The following PSMD1 variants were observed in gnomAD, a reference collection of about 807,000 sequenced individuals.
PSMD1 encodes the protein proteasome 26S subunit, non-ATPase 1.
PSMD1 carries 18 observed loss-of-function variants against 119.0 expected under a neutral mutation model. That is an observed-to-expected ratio of 0.15 (90% CI 0.10 to 0.22). PSMD1 has a LOEUF of 0.22. Ranked by LOEUF, PSMD1 falls within the 10% of genes least tolerant of loss-of-function variation. The probability of loss-of-function intolerance (pLI) is 1.00; values close to 1 mark genes in which losing one functional copy is unlikely to be tolerated. For synonymous variants in PSMD1, 374 were observed against 396.6 expected, an observed-to-expected ratio of 0.94 and a Z score of 0.68; for missense variants, 702 against 1,158.5, an observed-to-expected ratio of 0.61 and a Z score of 5.72.
At chr2:231,162,518 C>T (rs1013858694) in intron 20 of PSMD1, among the ~76,000 whole-genome samples, 1 of 152,218 alleles carries the variant, frequency 6.6e-6, no homozygotes, top group Admixed American at 6.5e-5. Context: ...TGTAATTAAA[C>T]ATCCTGTATA....
At chr2:231,148,654 T>A (rs559568885) in intron 18 of PSMD1, among the ~76,000 whole-genome samples, 4 of 152,338 alleles carry the variant, frequency 2.6e-5, no homozygotes, top group African/African-American at 9.6e-5. Flanking sequence ...AAAATTGACA[T>A]GTGAAACTCA....
chr2:231,150,349 A>AG (rs1350070608), intron 18 of PSMD1, among the ~76,000 whole-genome samples: 5 of 150,294 alleles, frequency 3.3e-5, no homozygotes, highest in Non-Finnish European at 5.9e-5. Context: ...TGTCTCAAGG[A>AG]GGGGAAAAAA....
At chr2:231,129,493 T>C (rs528505500) in intron 16 of PSMD1, among the ~76,000 whole-genome samples, 2 of 152,324 alleles carry the variant, frequency 1.3e-5, no homozygotes, top group Non-Finnish European at 2.9e-5. Flanking sequence ...TATTAGTCTT[T>C]TTGGAAATGT....
chr2:231,144,757 G>T (rs116198859), intron 17 of PSMD1, among the ~76,000 whole-genome samples: 2,047 of 152,164 alleles, frequency 0.013, 25 homozygotes, highest in Non-Finnish European at 0.021. Flanking sequence ...ATTCAGACTG[G>T]CCTGGGTTTG....
At chr2:231,130,391 G>C (rs865989722) in intron 16 of PSMD1, among the ~76,000 whole-genome samples, 6 of 152,156 alleles carry the variant, frequency 3.9e-5, no homozygotes, top group African/African-American at 1.4e-4. Flanking sequence ...CCTCTCCACT[G>C]CCCTTCCCTA....
intron 5 of PSMD1, among the ~76,000 whole-genome samples, chr2:231,068,769 C>T (rs1030887519): frequency 6.6e-5 from 10 of 152,138 alleles, no homozygotes; most frequent in African/African-American, 2.4e-4. Context: ...CCTTATTCTA[C>T]TCAGTAATGG....
rs973486646 is a variant in PSMD1, at chr2:231,127,176, T to C, written c.1884-11560T>C. ...TCATGTGAGACAATTTTAATAAACA[T>C]GTTTCCCTGCCTACTCCAGATTTGA... On this transcript the variant is annotated intron_variant, in intron 16 of 24. Transcript: ENST00000308696. Among the ~76,000 whole-genome samples, 3 of 151,908 alleles carry C rather than the reference T, an allele frequency of 2.0e-5. 1 individual carries two copies. The highest frequency in any genetic ancestry group is 4.8e-5 in the African/African-American group (2 of 41,334).
At chr2:231,156,995 T>C (rs1161611296) in intron 19 of PSMD1, among the ~76,000 whole-genome samples, 1 of 152,240 alleles carries the variant, frequency 6.6e-6, no homozygotes, top group Non-Finnish European at 1.5e-5. Context: ...GAATAATACA[T>C]TATGTAGCCT....
intron 16 of PSMD1, among the ~76,000 whole-genome samples, chr2:231,102,193 A>T (rs1694885062): frequency 6.6e-6 from 1 of 152,206 alleles, no homozygotes; most frequent in Non-Finnish European, 1.5e-5. Flanking sequence ...GCTATAGTAT[A>T]GTGTAAACAT....
intron 16 of PSMD1, among the ~76,000 whole-genome samples, chr2:231,122,699 G>A (rs1695585952): frequency 6.6e-6 from 1 of 151,936 alleles, no homozygotes; most frequent in Non-Finnish European, 1.5e-5. Flanking sequence ...AGATTTCAGT[G>A]TCAAACTATA....
chr2:231,151,183 T>TG (rs1696370436), intron 18 of PSMD1, among the ~76,000 whole-genome samples: 3 of 152,090 alleles, frequency 2.0e-5, no homozygotes, highest in Admixed American at 2.0e-4. Context: ...TTTTTTTTGG[T>TG]GGGGGGAGAC....
At chr2:231,148,096 T>C (rs368265967) in intron 18 of PSMD1, among the ~76,000 whole-genome samples, 2 of 152,252 alleles carry the variant, frequency 1.3e-5, no homozygotes, top group Admixed American at 6.5e-5. Context: ...CTTAATATAC[T>C]ACATCTTCTA....
At chr2:231,087,870 G>A (rs1694490503) in intron 16 of PSMD1, among the ~76,000 whole-genome samples, 1 of 152,016 alleles carries the variant, frequency 6.6e-6, no homozygotes, top group South Asian at 2.1e-4. Flanking sequence ...GCTGAGGCAG[G>A]AGAATCGCTT....
At chr2:231,126,738 T>C (rs915979941) in intron 16 of PSMD1, among the ~76,000 whole-genome samples, 2 of 152,138 alleles carry the variant, frequency 1.3e-5, no homozygotes, top group Non-Finnish European at 2.9e-5. Flanking sequence ...CCTCAACTTA[T>C]AAAAAGTAAG....
At chr2:231,149,520 TTAAG>T (rs1481651641) in intron 18 of PSMD1, among the ~76,000 whole-genome samples, 2 of 152,182 alleles carry the variant, frequency 1.3e-5, no homozygotes, top group African/African-American at 2.4e-5. Context: ...CATGTACATA[TTAAG>T]TATCATATAT....
chr2:231,138,809 G>T lies in PSMD1; in HGVS notation c.1957G>T (p.Ala653Ser), dbSNP rs1412713879. The T allele has an allele frequency of 1.2e-6, 2 of 1,614,162 alleles. No homozygotes were observed. The highest frequency in any genetic ancestry group is 2.7e-5 in the African/African-American group (2 of 75,044). Residue 653 changes from alanine to serine, a missense_variant, in exon 17 of 25, where the codon GCA becomes TCA. This residue lies in a region of PSMD1 where 272 missense variants were observed against 511.6 expected (regional missense o/e 0.53). Transcript: ENST00000308696. ...CAACCCTCATGTGCGCTACGGAGCT[G>T]CAATGGCCTTGGGGATATGCTGTGC... ...SYNPHVRYGAAMALGICCAGT... is the reference protein window; with the variant it reads ...SYNPHVRYGASMALGICCAGT...
In PSMD1 at chr2:231,071,909, G is replaced by A. The variant is rs552124354; in HGVS notation, c.655-280G>A. ...TATGGATAAGATTTAAAGAAGCCAA[G>A]ATTCATTCAACAACCAATGTTGAAT... On this transcript the variant is annotated intron_variant, in intron 6 of 24. Transcript: ENST00000308696. Among the ~76,000 whole-genome samples the A allele has an allele frequency of 3.3e-5, 5 of 152,244 alleles. No individual in the cohort carries two copies. The South Asian group carries it at 1.0e-3, about 32-fold the overall frequency.
At chr2:231,142,890 A>G (rs1696159234) in intron 17 of PSMD1, among the ~76,000 whole-genome samples, 1 of 152,158 alleles carries the variant, frequency 6.6e-6, no homozygotes, top group Non-Finnish European at 1.5e-5. Flanking sequence ...TTATCTGTTA[A>G]TAGCTCTAAT....
chr2:231,158,149 A>T (rs1387797532), intron 19 of PSMD1, among the ~76,000 whole-genome samples: 1 of 151,924 alleles, frequency 6.6e-6, no homozygotes, highest in East Asian at 2.0e-4. Context: ...TGTCTCTACT[A>T]AAAATACAAA....
Sources: allele counts gnomAD v4.1 joint callset (sites outside exome capture counted in the v4.1 genomes callset), GRCh38; gene constraint gnomAD v4.1.1; regional missense constraint gnomAD v4.1.1; transcripts MANE v1.5; gene names NCBI Gene and HGNC (gene_info 2026-07-23, HGNC 2026-07-21).